The following RGS17 variants were observed in gnomAD, a reference collection of about 807,000 sequenced individuals.
RGS17 encodes regulator of G-protein signaling 17.
A neutral mutation model predicts 25.5 loss-of-function variants in RGS17; 12 were observed. The observed-to-expected ratio is 0.47, with a 90% CI of 0.30 to 0.76. The LOEUF is 0.76. Ranked by LOEUF, RGS17 falls within the 30% of genes least tolerant of loss-of-function variation. The pLI, the probability that RGS17 is intolerant of heterozygous loss-of-function variation, is 0.07. For missense variants in RGS17, 196 were observed against 242.2 expected (o/e 0.81, Z 1.27); for synonymous variants, 71 against 76.9 (o/e 0.92, Z 0.40).
At chr6:153,107,856 A>T (rs1326853580) in intron 1 of RGS17, among the ~76,000 whole-genome samples, 2 of 152,220 alleles carry the variant, frequency 1.3e-5, no homozygotes, top group Non-Finnish European at 2.9e-5. Flanking sequence ...TTCCCTTAGC[A>T]GCAATCAAAT....
At chr6:153,111,256 G>A (rs1354589006) in intron 1 of RGS17, among the ~76,000 whole-genome samples, 1 of 152,166 alleles carries the variant, frequency 6.6e-6, no homozygotes, top group Non-Finnish European at 1.5e-5. Context: ...TTAGTCGGGG[G>A]AGGGGCGTCC....
rs898107527 is a variant in RGS17, at chr6:153,026,549, A to G, written c.120-6T>C. On this transcript the variant is annotated splice_polypyrimidine_tract_variant and splice_region_variant and intron_variant, in intron 2 of 4. Transcript: ENST00000206262. ...CTTCATTCCTCACAGTGAGGCTGTAATGTAACAGAACATTTAATTTTGTCA... is the reference window on the plus strand; with the variant it reads ...CTTCATTCCTCACAGTGAGGCTGTAGTGTAACAGAACATTTAATTTTGTCA... 2 of 1,603,792 alleles carry G rather than the reference A, an allele frequency of 1.2e-6. No homozygotes were observed. The highest frequency in any genetic ancestry group is 1.7e-6 in the Non-Finnish European group (2 of 1,171,410).
At chr6:153,042,088 T>C (rs1450173617) in intron 2 of RGS17, among the ~76,000 whole-genome samples, 5 of 152,224 alleles carry the variant, frequency 3.3e-5, no homozygotes, top group Admixed American at 1.3e-4. Flanking sequence ...TCAGAACCAC[T>C]ATAGTAAGTC....
chr6:153,103,964 A>G (rs1777343216), intron 1 of RGS17, among the ~76,000 whole-genome samples: 1 of 152,244 alleles, frequency 6.6e-6, no homozygotes, highest in Non-Finnish European at 1.5e-5. Context: ...CAAAGATATC[A>G]TTGATTGTAA....
chr6:153,025,697 A>T (rs1386820148), intron 3 of RGS17, among the ~76,000 whole-genome samples: 8 of 115,952 alleles, frequency 6.9e-5, no homozygotes, highest in East Asian at 2.5e-4. Flanking sequence ...CATATATATA[A>T]AAACATATAT....
At chr6:153,022,066 G>A (rs149266396) in intron 4 of RGS17, among the ~76,000 whole-genome samples, 10 of 152,262 alleles carry the variant, frequency 6.6e-5, no homozygotes, top group East Asian at 1.9e-4. Flanking sequence ...TAATTAGCCC[G>A]GCGTGTTGGC....
intron 3 of RGS17, among the ~76,000 whole-genome samples, chr6:153,025,211 G>T (rs1332199727): frequency 6.6e-6 from 1 of 151,884 alleles, no homozygotes; most frequent in Non-Finnish European, 1.5e-5. Context: ...CTATTTGGGA[G>T]TTGAGGCAGG....
At chr6:153,051,320 T>A (rs1048636683) in intron 1 of RGS17, among the ~76,000 whole-genome samples, 1 of 152,172 alleles carries the variant, frequency 6.6e-6, no homozygotes, top group Non-Finnish European at 1.5e-5. Flanking sequence ...GTGATTTGGT[T>A]AGGGCTCAGA....
At chr6:153,067,789 C>T (rs543772158) in intron 1 of RGS17, among the ~76,000 whole-genome samples, 19 of 152,254 alleles carry the variant, frequency 1.2e-4, no homozygotes, top group African/African-American at 4.6e-4. Flanking sequence ...ACACATTTCT[C>T]AGAGAAATAG....
At chr6:153,101,475 T>G (rs1430550041) in intron 1 of RGS17, among the ~76,000 whole-genome samples, 1 of 152,118 alleles carries the variant, frequency 6.6e-6, no homozygotes, top group African/African-American at 2.4e-5. Flanking sequence ...TGCTACCGAT[T>G]TAAAAGTGAT....
intron 1 of RGS17, among the ~76,000 whole-genome samples, chr6:153,101,076 A>T (rs2129123394): frequency 6.6e-6 from 1 of 152,294 alleles, no homozygotes; most frequent in African/African-American, 2.4e-5. Context: ...TGGCTATCGT[A>T]TTGCTTTTAA....
chr6:153,127,227 C>A lies in RGS17; in HGVS notation c.-26+3897G>T, dbSNP rs539091838. ...TACCAGCCACTCACCTCCTGCTGTG[C>A]TGCTGGCTTCCCAACAAGTCATGGG... On this transcript the variant is annotated intron_variant, in intron 1 of 4. Coordinates refer to ENST00000206262, the MANE Select transcript of RGS17 (RefSeq NM_012419.5). Among the ~76,000 whole-genome samples the A allele has an allele frequency of 3.3e-5, 5 of 152,314 alleles. No individual in the cohort carries two copies. The South Asian group carries it at 1.0e-3, about 32-fold the overall frequency.
At chr6:153,052,467 G>T (rs1268160085) in intron 1 of RGS17, among the ~76,000 whole-genome samples, 1 of 151,948 alleles carries the variant, frequency 6.6e-6, no homozygotes, top group Admixed American at 6.6e-5. Flanking sequence ...TAACTTATTA[G>T]GTTGGTGCAA....
At chr6:153,049,373 C>CA (rs1776431244) in intron 1 of RGS17, among the ~76,000 whole-genome samples, 1 of 151,978 alleles carries the variant, frequency 6.6e-6, no homozygotes, top group African/African-American at 2.4e-5. Context: ...GAAACTTTAT[C>CA]AAAAAACATA....
chr6:153,063,850 GA>G (rs1418482421), intron 1 of RGS17, among the ~76,000 whole-genome samples: 1 of 151,990 alleles, frequency 6.6e-6, no homozygotes, highest in African/African-American at 2.4e-5. Context: ...AGCAGCAAGA[GA>G]AAAGAAACAA....
At chr6:153,029,410 G>A (rs1390964734) in intron 2 of RGS17, among the ~76,000 whole-genome samples, 1 of 152,136 alleles carries the variant, frequency 6.6e-6, no homozygotes, top group Non-Finnish European at 1.5e-5. Flanking sequence ...ATTGACTAAT[G>A]TCTGTCCTAC....
intron 4 of RGS17, among the ~76,000 whole-genome samples, chr6:153,016,407 T>C: frequency 6.6e-6 from 1 of 152,226 alleles, no homozygotes; most frequent in East Asian, 1.9e-4. Context: ...GAAAACTTTT[T>C]GTTTCAATAG....
chr6:153,038,851 A>C (rs942589223), intron 2 of RGS17, among the ~76,000 whole-genome samples: 1 of 152,200 alleles, frequency 6.6e-6, no homozygotes, highest in African/African-American at 2.4e-5. Flanking sequence ...AGGCCATGGT[A>C]CTTGTTAGAA....
At chr6:153,115,735 C>G (rs775270336) in intron 1 of RGS17, among the ~76,000 whole-genome samples, 3 of 152,090 alleles carry the variant, frequency 2.0e-5, no homozygotes, top group Non-Finnish European at 4.4e-5. Context: ...ATATATAGAG[C>G]AATGGAACAG....
Sources: gnomAD v4.1 joint callset for allele counts (sites outside exome capture counted in the v4.1 genomes callset) on GRCh38, gnomAD v4.1.1 for gene constraint, MANE v1.5 for transcripts, NCBI Gene and HGNC (gene_info 2026-07-23, HGNC 2026-07-21) for gene names.